The following SPG7 variants were observed in gnomAD, a reference collection of about 807,000 sequenced individuals.
SPG7 encodes the protein mitochondrial inner membrane m-AAA protease component paraplegin.
In SPG7, 103 loss-of-function variants were observed where a neutral mutation model predicts 81.9. The observed-to-expected ratio is 1.26, with a 90% CI of 1.07 to 1.48. The LOEUF (loss-of-function observed/expected upper bound fraction) is 1.48. Ranked by LOEUF, SPG7 falls within the 40% of genes most tolerant of loss-of-function variation. The probability of loss-of-function intolerance (pLI) is 0.00; values close to 1 mark genes in which losing one functional copy is unlikely to be tolerated. For missense variants in SPG7, 1,241 were observed against 1,087.3 expected, an observed-to-expected ratio of 1.14 and a Z score of -1.99; for synonymous variants, 534 against 444.2, an observed-to-expected ratio of 1.20 and a Z score of -2.54.
intron 6 of SPG7, 23 bp from the exon 7 acceptor site, chr16:89,530,660 T>C (rs1405621377): frequency 3.1e-6 from 5 of 1,613,982 alleles, no homozygotes; most frequent in Admixed American, 1.7e-5. Flanking sequence ...CCCAGCTCCT[T>C]GCACTTTGTT....
At chr16:89,546,264 T>G in intron 10 of SPG7, 1 of 317,410 alleles carries the variant, frequency 3.2e-6, no homozygotes, top group South Asian at 2.6e-5. Context: ...TTTTTGTATT[T>G]TAGTAGGGAT....
intron 9 of SPG7, chr16:89,544,323 G>C (rs1366891791): frequency 2.6e-6 from 1 of 377,634 alleles, no homozygotes; most frequent in Non-Finnish European, 5.1e-6. Flanking sequence ...GGCGGTGGGG[G>C]GTGGGGGGTG....
At position 89,510,595 on chromosome 16, in the gene SPG7, A is replaced by C. The variant is rs201056405; in HGVS notation, c.286+3A>C. The C allele has an allele frequency of 6.3e-7, 1 of 1,580,604 alleles. No individual in the cohort carries two copies. The highest frequency in any genetic ancestry group is 1.3e-5 in the African/African-American group (1 of 74,254). ...AGTCAGACTCTGGCAACTTTTAGGT[A>C]TGTATCTGTTTAAAGAAGCAGCTGA... is the stretch of plus-strand genomic sequence containing the variant. On this transcript the variant is annotated splice_donor_region_variant and intron_variant, in intron 2 of 16. Coordinates refer to ENST00000645818, the MANE Select transcript of SPG7 (RefSeq NM_003119.4).
chr16:89,534,849 G>C (rs961532249), intron 9 of SPG7, among the ~76,000 whole-genome samples: 1 of 152,058 alleles, frequency 6.6e-6, no homozygotes, highest in Non-Finnish European at 1.5e-5. Context: ...AGGTGCTTCC[G>C]CCCCCCCGAT....
chr16:89,541,231 T>G (rs1465247119), intron 9 of SPG7: 2 of 984,690 alleles, frequency 2.0e-6, no homozygotes, highest in Non-Finnish European at 2.4e-6. Flanking sequence ...GGTGTATCCT[T>G]ATCACGGTGT....
chr16:89,555,433 G>A (rs1380748892), intron 16 of SPG7: 3 of 156,612 alleles, frequency 1.9e-5, no homozygotes, highest in African/African-American at 4.8e-5. Context: ...AGAGCTCCCT[G>A]CCACCCTGCC....
intron 11 of SPG7, chr16:89,547,137 G>A: frequency 3.7e-6 from 1 of 271,416 alleles, no homozygotes; most frequent in South Asian, 4.1e-5. Context: ...CTGTCAAGTT[G>A]TAGAAATAGA....
In SPG7 at chr16:89,548,074, ACT is replaced by A. The variant is rs766155407; in HGVS notation, c.1628_1629del (p.Leu543GlnfsTer32). 3.1e-6 allele frequency: 5 copies of A among 1,610,020 alleles called. No individual in the cohort carries two copies. Among genetic ancestry groups the A allele is most frequent in the Middle Eastern group, 1.6e-4 (1 of 6,084 alleles). Reference protein sequence around the residue: ...AAREGHTSVHTLNFEYAVERV... With the variant: ...AAREGHTSVHXLNFEYAVERV... ...GCGGGAGGGACACACTTCCGTGCAC[ACT>A]CTCAACTTCGAGTACGCCGTGGAGC... is the stretch of plus-strand genomic sequence containing the variant. On this transcript the variant is annotated frameshift_variant, in exon 12 of 17. Transcript: ENST00000645818. LOFTEE classifies it high-confidence loss of function.
intron 9 of SPG7, chr16:89,537,152 CT>C: frequency 6.9e-7 from 1 of 1,457,882 alleles, no homozygotes. Flanking sequence ...GGCTTTGTTG[CT>C]TCCGTTCATG....
intron 9 of SPG7, chr16:89,538,916 T>C (rs1419078552): frequency 6.6e-6 from 1 of 152,312 alleles, no homozygotes; most frequent in East Asian, 1.9e-4. Flanking sequence ...TTTTGGACAA[T>C]GTCTTAGGTC....
intron 9 of SPG7, chr16:89,537,378 G>A: frequency 8.9e-7 from 1 of 1,119,702 alleles, no homozygotes; most frequent in Non-Finnish European, 1.1e-6. Flanking sequence ...CGTTGATGGG[G>A]AGCGTCGGCG....
chr16:89,543,347 C>CTTTTTTTTTTTTTTTTTTTT (rs57995524), intron 9 of SPG7: 5 of 108,988 alleles, frequency 4.6e-5, no homozygotes, highest in Non-Finnish European at 7.6e-5. Context: ...GGACCTTTTC[C>CTTTTTTTTTTTTTTTTTTTT]TTTTTTTTTT....
chr16:89,529,792 T>C, intron 6 of SPG7: 1 of 620,352 alleles, frequency 1.6e-6, no homozygotes, highest in Non-Finnish European at 2.9e-6. Context: ...CCCCTAACTC[T>C]GGGGTGCCTG....
In SPG7 at chr16:89,553,132, T is replaced by A. The variant is rs2099104; in HGVS notation, c.1933T>A (p.Ser645Thr). ...AGCACTGTCCTTCAACGAGGTCACT[T>A]CTGGTGAGGAGCAGCGGCGCGGGCC... The part of the protein sequence containing the change: ...SEALSFNEVT[S>T]GAQDDLRKVT... The change falls in exon 14 of 17, where the codon TCT becomes ACT. Residue 645 changes from serine to threonine, a missense_variant. Coordinates refer to ENST00000645818, the MANE Select transcript of SPG7 (RefSeq NM_003119.4). 1,305 of 1,606,910 alleles carry A rather than the reference T, an allele frequency of 8.1e-4. 1 individual carries two copies. Among genetic ancestry groups the A allele is most frequent in the Admixed American group, 1.9e-3 (113 of 59,014 alleles).
chr16:89,556,618 AAG>A (rs1567936446), intron 16 of SPG7: 1 of 488,016 alleles, frequency 2.0e-6, no homozygotes, highest in Non-Finnish European at 3.7e-6. Flanking sequence ...TGTTTGGTGA[AAG>A]AAATTGCAGT....
chr16:89,556,590 C>T (rs2058689316), intron 16 of SPG7: 1 of 441,074 alleles, frequency 2.3e-6, no homozygotes, highest in African/African-American at 2.0e-5. Context: ...ATCTCCTTCC[C>T]TGTAGACACA....
At chr16:89,555,505 G>A (rs992688758) in intron 16 of SPG7, 42 of 177,830 alleles carry the variant, frequency 2.4e-4, no homozygotes, top group Admixed American at 2.3e-3. Context: ...GCCGACCCGC[G>A]GTGTTGGGTC....
Position 89,546,706 on chromosome 16 carries a change from C to G in SPG7, c.1498C>G (p.Gln500Glu), listed in dbSNP as rs1353996478. ...EQHLKSLKLT[Q>E]SSTFYSQRLA... ...GCACCTGAAGAGCCTGAAGCTGACC[C>G]AGTCCAGCACCTTTTACTCCCAGCG... The change falls in exon 11 of 17, where the codon CAG (glutamine) becomes GAG (glutamate). Residue 500 changes from glutamine (Q) to glutamate (E), a missense_variant. Transcript: ENST00000645818. 8 of 1,613,894 alleles carry G rather than the reference C, an allele frequency of 5.0e-6. No individual in the cohort carries two copies. Among genetic ancestry groups the G allele is most frequent in the Non-Finnish European group, 6.8e-6 (8 of 1,179,810 alleles).
intron 9 of SPG7, 127 bp from the exon 10 acceptor site, chr16:89,544,521 C>T (rs907722813): frequency 9.3e-7 from 1 of 1,078,984 alleles, no homozygotes; most frequent in Non-Finnish European, 1.4e-6. Flanking sequence ...AAGGACCGGG[C>T]TGTTCCTTTC....
Sources: gnomAD v4.1 joint callset for allele counts (sites outside exome capture counted in the v4.1 genomes callset) on GRCh38, gnomAD v4.1.1 for gene constraint, MANE v1.5 for transcripts, NCBI Gene and HGNC (gene_info 2026-07-23, HGNC 2026-07-21) for gene names.